VPS13B: variants seen among roughly 807,000 people sequenced by gnomAD.
The protein encoded by VPS13B is intermembrane lipid transfer protein VPS13B.
A neutral mutation model predicts 426.4 loss-of-function variants in VPS13B; 285 were observed. The ratio of observed to expected loss-of-function variants is 0.67; its 90% confidence interval spans 0.61 to 0.74. VPS13B has a LOEUF of 0.74. Ranked by LOEUF, VPS13B falls within the 30% of genes least tolerant of loss-of-function variation. The pLI, the probability that VPS13B is intolerant of heterozygous loss-of-function variation, is 0.00. For missense variants in VPS13B, 4,537 were observed against 4,782.6 expected (o/e 0.95, Z 1.51); for synonymous variants, 1,676 against 1,676.4 (o/e 1.00, Z 0.01).
At chr8:99,706,361 T>G (rs1452385070) in intron 36 of VPS13B, among the ~76,000 whole-genome samples, 1 of 152,196 alleles carries the variant, frequency 6.6e-6, no homozygotes, top group East Asian at 1.9e-4. Context: ...ACTTTCTGTT[T>G]ACCGTGTGTT....
At chr8:99,334,102 A>G (rs1034322672) in intron 19 of VPS13B, among the ~76,000 whole-genome samples, 3 of 151,920 alleles carry the variant, frequency 2.0e-5, no homozygotes, top group Non-Finnish European at 4.4e-5. Context: ...AATTGTTACT[A>G]TAAGGTAGTT....
intron 30 of VPS13B, among the ~76,000 whole-genome samples, 197 bp downstream of exon 30, chr8:99,521,207 T>C (rs560602276): frequency 6.6e-6 from 1 of 152,198 alleles, no homozygotes; most frequent in African/African-American, 2.4e-5. Flanking sequence ...TGTGAAGTGT[T>C]GATGAATAAC....
intron 17 of VPS13B, among the ~76,000 whole-genome samples, chr8:99,236,022 C>G (rs1816626346): frequency 6.6e-6 from 1 of 152,142 alleles, no homozygotes; most frequent in South Asian, 2.1e-4. Flanking sequence ...TGCATTTTAA[C>G]AATGCAAGAA....
intron 35 of VPS13B, among the ~76,000 whole-genome samples, chr8:99,664,328 TA>T (rs1437985848): frequency 2.0e-5 from 3 of 149,804 alleles, no homozygotes; most frequent in Non-Finnish European, 4.4e-5. Context: ...TTTTTTTTTT[TA>T]ATCATACTTT....
intron 24 of VPS13B, among the ~76,000 whole-genome samples, chr8:99,477,918 T>C (rs1339495049): frequency 6.6e-6 from 1 of 152,160 alleles, no homozygotes; most frequent in African/African-American, 2.4e-5. Flanking sequence ...CCCTGTTTCC[T>C]TTAATGTCTT....
chr8:99,472,431 G>A (rs543544498), intron 24 of VPS13B, among the ~76,000 whole-genome samples: 18 of 151,608 alleles, frequency 1.2e-4, no homozygotes, highest in Non-Finnish European at 2.1e-4. Flanking sequence ...TAAATATGTG[G>A]ACATTAAACA....
At chr8:99,053,405 T>TC (rs1240508817) in intron 3 of VPS13B, among the ~76,000 whole-genome samples, 7 of 152,098 alleles carry the variant, frequency 4.6e-5, no homozygotes, top group Admixed American at 4.6e-4. Context: ...TGGTTTTTTG[T>TC]CCTTGCGATA....
intron 25 of VPS13B, among the ~76,000 whole-genome samples, chr8:99,496,009 T>C (rs1412875383): frequency 6.6e-6 from 1 of 152,100 alleles, no homozygotes; most frequent in African/African-American, 2.4e-5. Context: ...ATAATATTAG[T>C]GATGGGGCAT....
At chr8:99,100,189 C>T (rs2132444269) in intron 4 of VPS13B, among the ~76,000 whole-genome samples, 1 of 152,238 alleles carries the variant, frequency 6.6e-6, no homozygotes, top group South Asian at 2.1e-4. Flanking sequence ...TGATAGTCTT[C>T]TACAGAAGTA....
At chr8:99,377,750 G>C (rs945465829) in intron 19 of VPS13B, among the ~76,000 whole-genome samples, 1 of 152,120 alleles carries the variant, frequency 6.6e-6, no homozygotes, top group African/African-American at 2.4e-5. Flanking sequence ...ATGTTGGCAG[G>C]TTCTGTGATG....
chr8:99,189,294 G>T (rs914494996), intron 16 of VPS13B, among the ~76,000 whole-genome samples: 7 of 152,192 alleles, frequency 4.6e-5, no homozygotes, highest in African/African-American at 1.7e-4. Flanking sequence ...CACATAAATT[G>T]ACTATGTATA....
intron 8 of VPS13B, among the ~76,000 whole-genome samples, chr8:99,133,964 A>T (rs956735568): frequency 6.6e-6 from 1 of 152,322 alleles, no homozygotes; most frequent in East Asian, 1.9e-4. Context: ...GACTTGATTC[A>T]TGTGGGGTTG....
In VPS13B at chr8:99,384,216, C is replaced by G. The variant is rs757083270; in HGVS notation, c.2833C>G (p.Leu945Val). Residue 945 changes from leucine to valine, a missense_variant, in exon 20 of 62, where the codon CTT (leucine) becomes GTT (valine). Physicochemically the swap from Leu to Val is conservative, Grantham distance 32. This residue lies in a region of VPS13B where 4,311 missense variants were observed against 4,474.3 expected (regional missense o/e 0.96). Transcript: ENST00000357162. Reference sequence around the variant, plus strand: ...AAAATCTTGTCTTTTAGGTGCTGTACTTCTTTGCAGTATACAAGGACTAGC... The same window carrying G: ...AAAATCTTGTCTTTTAGGTGCTGTAGTTCTTTGCAGTATACAAGGACTAGC... ...IDYCHNSGAV[L>V]LCSIQGLAVN... The G allele has an allele frequency of 4.3e-6, 7 of 1,613,712 alleles. No homozygotes were observed. The highest frequency in any genetic ancestry group is 5.1e-6 in the Non-Finnish European group (6 of 1,179,762).
At chr8:99,452,479 G>C (rs912671851) in intron 23 of VPS13B, among the ~76,000 whole-genome samples, 1 of 152,122 alleles carries the variant, frequency 6.6e-6, no homozygotes, top group Admixed American at 6.6e-5. Context: ...CACAACACAT[G>C]CCACAAAAGG....
chr8:99,674,629 G>A (rs1239486315), intron 35 of VPS13B, among the ~76,000 whole-genome samples: 2 of 151,818 alleles, frequency 1.3e-5, no homozygotes, highest in African/African-American at 4.8e-5. Flanking sequence ...TTGTCTTCTG[G>A]TTGTCTTATG....
chr8:99,140,399 A>G (rs1402371016), intron 12 of VPS13B, among the ~76,000 whole-genome samples: 1 of 151,668 alleles, frequency 6.6e-6, no homozygotes, highest in Admixed American at 6.6e-5. Flanking sequence ...AAGGAAGTAA[A>G]TACAGTAATA....
intron 7 of VPS13B, among the ~76,000 whole-genome samples, chr8:99,117,955 A>G (rs899958920): frequency 1.4e-4 from 22 of 152,206 alleles, no homozygotes; most frequent in African/African-American, 4.3e-4. Context: ...CATTAAAAAA[A>G]TCTTACTACC....
chr8:99,237,291 T>C (rs1244235508), intron 17 of VPS13B, among the ~76,000 whole-genome samples: 2 of 152,226 alleles, frequency 1.3e-5, no homozygotes, highest in African/African-American at 4.8e-5. Context: ...AAGTAATTTG[T>C]GTTTGCTTTT....
intron 31 of VPS13B, among the ~76,000 whole-genome samples, chr8:99,560,697 G>T (rs1298293957): frequency 2.0e-5 from 3 of 152,194 alleles, no homozygotes; most frequent in Non-Finnish European, 4.4e-5. Flanking sequence ...CAGCTGGGAA[G>T]TGAATATTTT....
Sources: gnomAD v4.1 joint callset for allele counts (sites outside exome capture counted in the v4.1 genomes callset) on GRCh38, gnomAD v4.1.1 for gene constraint, gnomAD v4.1.1 regional missense constraint, MANE v1.5 for transcripts, NCBI Gene and HGNC (gene_info 2026-07-23, HGNC 2026-07-21) for gene names.